Variants in DMD observed in about 807,000 individuals in gnomAD.
DMD encodes the protein dystrophin.
In DMD, 63 loss-of-function variants were observed where a neutral mutation model predicts 330.1. The observed-to-expected ratio is 0.19, with a 90% CI of 0.16 to 0.24. The LOEUF (loss-of-function observed/expected upper bound fraction) is 0.24, where lower values mean the gene tolerates loss of function less well. Among genes scored for constraint, DMD ranks in the 10% least tolerant of loss-of-function variants. The pLI, the probability that DMD is intolerant of heterozygous loss-of-function variation, is 1.00. For synonymous variants in DMD, 1,223 were observed against 959.8 expected, an observed-to-expected ratio of 1.27 and a Z score of -5.07; for missense variants, 3,344 against 2,684.1, an observed-to-expected ratio of 1.25 and a Z score of -5.43.
chrX:31,985,724 G>T (rs7051329), intron 44 of DMD, among the ~76,000 whole-genome samples: 39,060 of 111,187 alleles, frequency 0.35, 6,268 homozygotes, highest in African/African-American at 0.64. Context: ...AACAAACAAA[G>T]ATGTACATAC....
chrX:31,686,176 A>C (rs1228051446), intron 52 of DMD, among the ~76,000 whole-genome samples: 1 of 112,564 alleles, frequency 8.9e-6, no homozygotes, highest in Non-Finnish European at 1.9e-5. Context: ...TAAAAAGTAA[A>C]AATTAAAAAC....
chrX:32,100,269 CCTAA>C (rs1402163419), intron 44 of DMD, among the ~76,000 whole-genome samples: 2 of 109,629 alleles, frequency 1.8e-5, no homozygotes, highest in Admixed American at 9.9e-5. Context: ...TACAAGATCA[CCTAA>C]CTTTCTTCCT....
Position 32,581,238 on chromosome X carries a change from C to T in DMD, c.1603-7392G>A, listed in dbSNP as rs1053546527. ...ATCCACAAGAAATCACAAATTCTAA[C>T]GTACATACCTAATAAAATGCATAAG... On this transcript the variant is annotated intron_variant, in intron 13 of 78. Coordinates refer to ENST00000357033, the MANE Select transcript of DMD (RefSeq NM_004006.3). 5.3e-5 allele frequency among the ~76,000 whole-genome samples: 6 copies of T among 112,252 alleles called. 1 individual carries two copies. The highest frequency in any genetic ancestry group is 9.4e-5 in the Admixed American group (1 of 10,595).
intron 2 of DMD, among the ~76,000 whole-genome samples, chrX:32,857,162 A>G (rs1223996870): frequency 8.9e-6 from 1 of 112,157 alleles, no homozygotes; most frequent in African/African-American, 3.2e-5. Flanking sequence ...TTACCCTGAT[A>G]TGATTATGCT....
intron 41 of DMD, among the ~76,000 whole-genome samples, chrX:32,333,306 G>T (rs764966095): frequency 9.0e-6 from 1 of 111,530 alleles, no homozygotes; most frequent in East Asian, 2.8e-4. Context: ...AACGGTTTCT[G>T]TGTGTCTGAA....
chrX:33,057,735 A>G (rs2094534444), intron 1 of DMD, among the ~76,000 whole-genome samples: 1 of 112,101 alleles, frequency 8.9e-6, no homozygotes, highest in African/African-American at 3.2e-5. Flanking sequence ...CAGTTCTCAA[A>G]CTTCATATAG....
chrX:33,020,110 T>C (rs2093884637), intron 2 of DMD, 29 bp downstream of exon 2: 1 of 1,144,974 alleles, frequency 8.7e-7, no homozygotes, highest in Non-Finnish European at 1.2e-6. Context: ...AACTTAGATC[T>C]TAAAAGTAAA....
intron 44 of DMD, among the ~76,000 whole-genome samples, chrX:32,038,359 A>C (rs2178535): frequency 9.0e-6 from 1 of 111,698 alleles, no homozygotes; most frequent in African/African-American, 3.3e-5. Context: ...ATACATTAGC[A>C]ATGATCTTGT....
In DMD at chrX:32,697,954, A is replaced by T. The variant is rs775261545; in HGVS notation, c.876T>A (p.Pro292=). The change falls in exon 9 of 79, where the codon CCT becomes CCA. Residue 292 remains proline (P), a synonymous_variant. Transcript: ENST00000357033. ...LAQGYERTSS[P]KPRFKSYAYT... is the part of the protein sequence containing the mutation. ...AGGCATAGCTCTTGAATCGAGGCTTAGGGGAAGAAGTTCTCTCATATCCCT... is the reference window on the plus strand; with the variant it reads ...AGGCATAGCTCTTGAATCGAGGCTTTGGGGAAGAAGTTCTCTCATATCCCT... 10 of 1,201,848 alleles carry T rather than the reference A, an allele frequency of 8.3e-6. No individual in the cohort carries two copies. The highest frequency in any genetic ancestry group is 1.1e-5 in the Non-Finnish European group (10 of 891,263).
At chrX:31,376,912 G>A (rs1216523836) in intron 60 of DMD, among the ~76,000 whole-genome samples, 1 of 111,892 alleles carries the variant, frequency 8.9e-6, no homozygotes, top group Non-Finnish European at 1.9e-5. Flanking sequence ...GAAAGCCCTT[G>A]CGGTTCTAAC....
chrX:31,897,325 T>C (rs1299533604), intron 47 of DMD, among the ~76,000 whole-genome samples: 1 of 110,411 alleles, frequency 9.1e-6, no homozygotes, highest in Non-Finnish European at 1.9e-5. Context: ...TCTATCATTG[T>C]TGGACATTTG....
At chrX:32,115,451 C>T (rs1423711166) in intron 44 of DMD, among the ~76,000 whole-genome samples, 1 of 110,223 alleles carries the variant, frequency 9.1e-6, no homozygotes, top group Non-Finnish European at 1.9e-5. Flanking sequence ...CTGTGTTACC[C>T]AGGCTGGTCT....
intron 44 of DMD, among the ~76,000 whole-genome samples, chrX:32,058,329 A>G (rs1297448298): frequency 1.8e-5 from 2 of 110,712 alleles, no homozygotes; most frequent in African/African-American, 3.3e-5. Flanking sequence ...TTTGCAAACC[A>G]TATATCTGAT....
At chrX:32,716,911 G>C (rs952113965) in intron 7 of DMD, among the ~76,000 whole-genome samples, 5 of 111,639 alleles carry the variant, frequency 4.5e-5, no homozygotes, top group Non-Finnish European at 3.8e-5. Flanking sequence ...AGGGTATATG[G>C]TAGAAGAAAT....
chrX:32,342,439 G>A (rs1319105730), intron 40 of DMD, among the ~76,000 whole-genome samples, 157 bp from the exon 41 acceptor site: 1 of 111,807 alleles, frequency 8.9e-6, no homozygotes, highest in East Asian at 2.8e-4. Flanking sequence ...TGTCATCCTC[G>A]CTCAATAACC....
At chrX:32,485,734 CTTT>C (rs5902034) in intron 20 of DMD, among the ~76,000 whole-genome samples, 2,199 of 35,963 alleles carry the variant, frequency 0.061, 59 homozygotes, top group African/African-American at 0.16. Flanking sequence ...GCAACCACTG[CTTT>C]TTTTTTTTTT....
intron 30 of DMD, among the ~76,000 whole-genome samples, chrX:32,410,706 C>A (rs754550858): frequency 3.8e-4 from 43 of 111,722 alleles, no homozygotes; most frequent in African/African-American, 1.4e-3. Flanking sequence ...ATTGCGATCA[C>A]ACAACCCTAA....
rs771038992 is a variant in DMD at position 32,710,071 on chromosome X, T to G, written c.650-10778A>C. On this transcript the variant is annotated intron_variant, in intron 7 of 78. Coordinates refer to ENST00000357033, the MANE Select transcript of DMD (RefSeq NM_004006.3). Reference sequence around the variant, plus strand: ...TAGCAAGGAACAGGAGCAGCCTGTATTTTTCTCCCTACAAAATTCTGCAAA... The same window carrying G: ...TAGCAAGGAACAGGAGCAGCCTGTAGTTTTCTCCCTACAAAATTCTGCAAA... 6.6e-4 allele frequency among the ~76,000 whole-genome samples: 74 copies of G among 111,630 alleles called. 1 individual carries two copies. The highest frequency in any genetic ancestry group is 6.1e-3 in the Admixed American group (64 of 10,502).
At chrX:31,473,711 C>CAAAAAAAAAAAAAAAAAAAAAA (rs55752684) in intron 59 of DMD, among the ~76,000 whole-genome samples, 11 of 40,127 alleles carry the variant, frequency 2.7e-4, no homozygotes, top group East Asian at 8.8e-4. Flanking sequence ...GACTCTGTCT[C>CAAAAAAAAAAAAAAAAAAAAAA]AAAAAAAAAA....
Sources: allele counts gnomAD v4.1 joint callset (sites outside exome capture counted in the v4.1 genomes callset), GRCh38; gene constraint gnomAD v4.1.1; transcripts MANE v1.5; gene names NCBI Gene and HGNC (gene_info 2026-07-23, HGNC 2026-07-21).